Variants in PRKG1 observed in about 807,000 individuals in gnomAD.
PRKG1 encodes the protein cGMP-dependent protein kinase 1.
A neutral mutation model predicts 88.1 loss-of-function variants in PRKG1; 35 were observed. The observed-to-expected ratio is 0.40, with a 90% confidence interval of 0.30 to 0.53. The LOEUF is 0.53. Among genes scored for constraint, PRKG1 ranks in the 20% least tolerant of loss-of-function variants. The pLI is 0.59. For synonymous variants in PRKG1, 303 were observed against 292.5 expected, an observed-to-expected ratio of 1.04 and a Z score of -0.37; for missense variants, 540 against 839.8, an observed-to-expected ratio of 0.64 and a Z score of 4.41.
intron 9 of PRKG1, among the ~76,000 whole-genome samples, chr10:52,199,962 A>G (rs1168029300): frequency 6.6e-6 from 1 of 152,176 alleles, no homozygotes; most frequent in East Asian, 1.9e-4. Context: ...TGTGCCAGGC[A>G]CTGAGCTAAG....
At chr10:52,183,354 G>A (rs1014441077) in intron 9 of PRKG1, among the ~76,000 whole-genome samples, 16 of 152,220 alleles carry the variant, frequency 1.1e-4, no homozygotes, top group East Asian at 5.8e-4. Flanking sequence ...GGACCTGGGC[G>A]TGAGTATGTA....
intron 8 of PRKG1, among the ~76,000 whole-genome samples, chr10:52,143,511 A>G (rs1226825289): frequency 2.0e-5 from 3 of 152,148 alleles, no homozygotes; most frequent in Non-Finnish European, 4.4e-5. Context: ...GTCATTACTT[A>G]CTGGATGTCA....
chr10:51,902,271 C>CATA (rs1239066977), intron 4 of PRKG1, among the ~76,000 whole-genome samples: 1 of 151,990 alleles, frequency 6.6e-6, no homozygotes, highest in Non-Finnish European at 1.5e-5. Flanking sequence ...CATGTGCCAC[C>CATA]ATACCCAGCT....
rs921464216 is a variant in PRKG1, at chr10:51,971,904, G to A, written c.762+64334G>A. ...ACTATTTCACACATGCAATAACACA[G>A]TTTGTAGGCATCCAGGAATCCACTA... is the stretch of plus-strand genomic sequence containing the variant. On this transcript the variant is annotated intron_variant, in intron 5 of 17. Coordinates refer to ENST00000373980, the MANE Select transcript of PRKG1 (RefSeq NM_006258.4). Among the ~76,000 whole-genome samples the A allele has an allele frequency of 2.0e-5, 3 of 152,138 alleles. No individual in the cohort carries two copies. In the East Asian group the frequency reaches 5.8e-4, roughly 29 times the overall value.
intron 9 of PRKG1, among the ~76,000 whole-genome samples, chr10:52,180,356 T>G (rs1838985125): frequency 6.6e-6 from 1 of 152,234 alleles, no homozygotes; most frequent in Non-Finnish European, 1.5e-5. Flanking sequence ...ATCTCTTATA[T>G]CTCACTGAAT....
intron 1 of PRKG1, among the ~76,000 whole-genome samples, chr10:51,045,368 C>T: frequency 6.6e-6 from 1 of 152,148 alleles, no homozygotes; most frequent in East Asian, 1.9e-4. Context: ...GTCGCCCAGG[C>T]TGGAGTGCAG....
At chr10:51,842,449 G>C (rs1840302286) in intron 4 of PRKG1, among the ~76,000 whole-genome samples, 1 of 152,200 alleles carries the variant, frequency 6.6e-6, no homozygotes, top group Non-Finnish European at 1.5e-5. Flanking sequence ...TGGCAAAGAA[G>C]ACCCTCCTAT....
At chr10:51,745,854 C>CA (rs550960533) in intron 3 of PRKG1, among the ~76,000 whole-genome samples, 115 of 152,086 alleles carry the variant, frequency 7.6e-4, no homozygotes, top group African/African-American at 2.6e-3. Flanking sequence ...ACTAAAAATA[C>CA]AAAAAAATAC....
intron 3 of PRKG1, among the ~76,000 whole-genome samples, chr10:51,614,329 A>G (rs1475782068): frequency 6.6e-6 from 1 of 151,386 alleles, no homozygotes; most frequent in Non-Finnish European, 1.5e-5. Context: ...TTTGGTTTCC[A>G]TTTGTGTTGA....
chr10:51,944,131 C>A (rs1353012649), intron 5 of PRKG1, among the ~76,000 whole-genome samples: 2 of 151,948 alleles, frequency 1.3e-5, no homozygotes, highest in Non-Finnish European at 2.9e-5. Flanking sequence ...ACAATTTCAG[C>A]TCCTGTTATT....
chr10:51,291,397 C>T (rs1204484474), intron 2 of PRKG1, among the ~76,000 whole-genome samples: 1 of 152,052 alleles, frequency 6.6e-6, no homozygotes, highest in South Asian at 2.1e-4. Context: ...CTTCTTTTCT[C>T]ATTTATCTCA....
chr10:51,818,282 AAC>A (rs1418402995), intron 4 of PRKG1, among the ~76,000 whole-genome samples: 1 of 152,182 alleles, frequency 6.6e-6, no homozygotes, highest in Non-Finnish European at 1.5e-5. Context: ...TCTCACTGAT[AAC>A]AGTTCATCCA....
intron 3 of PRKG1, among the ~76,000 whole-genome samples, chr10:51,739,607 A>AAGGAAAAG (rs1217724747): frequency 1.3e-5 from 2 of 152,100 alleles, no homozygotes; most frequent in Non-Finnish European, 2.9e-5. Context: ...CAGCAAAGAG[A>AAGGAAAAG]AGGAAAAGAG....
At chr10:51,168,846 T>A (rs1001418200) in intron 2 of PRKG1, among the ~76,000 whole-genome samples, 1 of 152,148 alleles carries the variant, frequency 6.6e-6, no homozygotes, top group Non-Finnish European at 1.5e-5. Flanking sequence ...AGATCAACAA[T>A]AGGCAAGTCA....
chr10:52,242,359 G>A (rs1332602107), intron 9 of PRKG1: 3 of 152,138 alleles, frequency 2.0e-5, no homozygotes, highest in East Asian at 1.9e-4. Context: ...TCTAATGGCT[G>A]TGCATTTATA....
intron 3 of PRKG1, among the ~76,000 whole-genome samples, chr10:51,554,168 G>A (rs1035924248): frequency 3.4e-5 from 5 of 147,352 alleles, no homozygotes; most frequent in African/African-American, 4.9e-5. Flanking sequence ...TTATATGTGC[G>A]TATGTGATAT....
chr10:51,688,233 T>G (rs1411973923), intron 3 of PRKG1, among the ~76,000 whole-genome samples: 1 of 152,108 alleles, frequency 6.6e-6, no homozygotes. Context: ...ATTCAGCAGG[T>G]CTGGGTGGGC....
At chr10:51,205,470 A>G (rs530839211) in intron 2 of PRKG1, among the ~76,000 whole-genome samples, 1 of 151,126 alleles carries the variant, frequency 6.6e-6, no homozygotes, top group Non-Finnish European at 1.5e-5. Flanking sequence ...GCTTCATAGC[A>G]ATTTCCACCC....
intron 1 of PRKG1, among the ~76,000 whole-genome samples, chr10:51,061,682 A>G (rs1480051498): frequency 1.3e-5 from 2 of 152,036 alleles, no homozygotes; most frequent in African/African-American, 2.4e-5. Context: ...TCTTTATTTA[A>G]TGTAGCTACT....
Sources: gnomAD v4.1 joint callset for allele counts (sites outside exome capture counted in the v4.1 genomes callset) on GRCh38, gnomAD v4.1.1 for gene constraint, MANE v1.5 for transcripts, NCBI Gene and HGNC (gene_info 2026-07-23, HGNC 2026-07-21) for gene names.